Variants in UNC5C observed in about 807,000 individuals in gnomAD.
UNC5C encodes unc-5 netrin receptor C, also known as netrin receptor UNC5C.
UNC5C carries 47 observed loss-of-function variants against 99.8 expected under a neutral mutation model. The ratio of observed to expected loss-of-function variants is 0.47; its 90% CI spans 0.37 to 0.60. The LOEUF is 0.60. UNC5C is among the 20% of genes least tolerant of loss of function. The pLI is 0.00. For synonymous variants in UNC5C, 487 were observed against 452.2 expected, an observed-to-expected ratio of 1.08 and a Z score of -0.98; for missense variants, 1,062 against 1,165.9, an observed-to-expected ratio of 0.91 and a Z score of 1.30.
At chr4:95,489,928 A>G (rs1721434004) in intron 1 of UNC5C, among the ~76,000 whole-genome samples, 1 of 151,744 alleles carries the variant, frequency 6.6e-6, no homozygotes, top group African/African-American at 2.4e-5. Context: ...TTTAGGAGTC[A>G]TTAGCATATA....
At chr4:95,524,164 A>G (rs911666371) in intron 1 of UNC5C, among the ~76,000 whole-genome samples, 1 of 152,190 alleles carries the variant, frequency 6.6e-6, no homozygotes, top group African/African-American at 2.4e-5. Flanking sequence ...TGGATGAAGC[A>G]TCAGGAAGGC....
At chr4:95,525,829 C>T (rs919599589) in intron 1 of UNC5C, among the ~76,000 whole-genome samples, 1 of 152,076 alleles carries the variant, frequency 6.6e-6, no homozygotes, top group Non-Finnish European at 1.5e-5. Context: ...GGTAAGGGGG[C>T]TATATCAACT....
intron 1 of UNC5C, among the ~76,000 whole-genome samples, chr4:95,539,956 A>C (rs1289551386): frequency 6.6e-6 from 1 of 152,012 alleles, no homozygotes; most frequent in African/African-American, 2.4e-5. Context: ...AATAGTAAAT[A>C]AACTATAATA....
chr4:95,461,717 T>C (rs2149471225), intron 1 of UNC5C, among the ~76,000 whole-genome samples: 1 of 152,274 alleles, frequency 6.6e-6, no homozygotes, highest in Admixed American at 6.5e-5. Context: ...CAGCATGCTG[T>C]TGCACTGCTC....
intron 1 of UNC5C, among the ~76,000 whole-genome samples, chr4:95,479,546 C>T (rs1476878641): frequency 1.3e-5 from 2 of 151,874 alleles, no homozygotes; most frequent in African/African-American, 4.8e-5. Context: ...ATATCTGAAA[C>T]ATACAAAGGT....
chr4:95,214,174 T>G (rs1416508604), intron 10 of UNC5C, among the ~76,000 whole-genome samples: 1 of 152,202 alleles, frequency 6.6e-6, no homozygotes, highest in Non-Finnish European at 1.5e-5. Flanking sequence ...TGTTTTACAA[T>G]AAAAATGCAT....
At chr4:95,359,786 G>A (rs1036318459) in intron 1 of UNC5C, among the ~76,000 whole-genome samples, 2 of 152,046 alleles carry the variant, frequency 1.3e-5, no homozygotes, top group Non-Finnish European at 2.9e-5. Context: ...TTCTCTAACA[G>A]TATTATGGTT....
chr4:95,182,060 TCTTCC>T (rs1736633078), intron 14 of UNC5C, among the ~76,000 whole-genome samples: 1 of 152,202 alleles, frequency 6.6e-6, no homozygotes, highest in African/African-American at 2.4e-5. Flanking sequence ...TGGCTTCTTC[TCTTCC>T]CTTTGTTCCT....
At chr4:95,367,805 C>T (rs1461967107) in intron 1 of UNC5C, among the ~76,000 whole-genome samples, 2 of 152,138 alleles carry the variant, frequency 1.3e-5, no homozygotes, top group Non-Finnish European at 2.9e-5. Flanking sequence ...AATTATATTA[C>T]CTACCATACT....
intron 2 of UNC5C, among the ~76,000 whole-genome samples, chr4:95,328,963 A>G (rs28621043): frequency 0.18 from 26,743 of 152,050 alleles, 2,537 homozygotes; most frequent in African/African-American, 0.22. Context: ...AAGCTGTTTG[A>G]GTGTGGCTTA....
At chr4:95,275,283 C>T (rs79345069) in intron 4 of UNC5C, among the ~76,000 whole-genome samples, 3,275 of 152,192 alleles carry the variant, frequency 0.022, 96 homozygotes, top group African/African-American at 0.07. Flanking sequence ...GGGCAAGGTA[C>T]TCAGTAAGAA....
intron 1 of UNC5C, among the ~76,000 whole-genome samples, chr4:95,353,525 A>G (rs1744062588): frequency 6.6e-6 from 1 of 152,022 alleles, no homozygotes; most frequent in Admixed American, 6.6e-5. Flanking sequence ...TTTGTTCCAA[A>G]GAAAAAACTG....
intron 9 of UNC5C, among the ~76,000 whole-genome samples, chr4:95,218,745 T>C (rs905324347): frequency 6.6e-6 from 1 of 152,174 alleles, no homozygotes; most frequent in African/African-American, 2.4e-5. Context: ...GTTGTGAGTA[T>C]AGAATTTCTA....
intron 1 of UNC5C, among the ~76,000 whole-genome samples, chr4:95,478,788 C>A (rs761644231): frequency 2.0e-5 from 3 of 151,880 alleles, no homozygotes; most frequent in Non-Finnish European, 4.4e-5. Context: ...AAATTTGATC[C>A]CCAGTGTTGG....
intron 1 of UNC5C, among the ~76,000 whole-genome samples, chr4:95,498,513 T>C (rs187934163): frequency 3.9e-5 from 6 of 152,042 alleles, no homozygotes; most frequent in Non-Finnish European, 1.5e-5. Context: ...ACCAAAGTAC[T>C]CTAAAAAGTA....
intron 7 of UNC5C, among the ~76,000 whole-genome samples, chr4:95,231,532 C>A (rs957189492): frequency 6.6e-6 from 1 of 152,128 alleles, no homozygotes. Flanking sequence ...TGATCCTATC[C>A]TTAGAAGAAT....
intron 1 of UNC5C, among the ~76,000 whole-genome samples, chr4:95,389,817 A>T (rs12508800): frequency 2.0e-5 from 3 of 152,054 alleles, no homozygotes; most frequent in Non-Finnish European, 4.4e-5. Flanking sequence ...TATCATTAAT[A>T]GTTTAAAAAT....
At chr4:95,373,091 C>A (rs1211565468) in intron 1 of UNC5C, among the ~76,000 whole-genome samples, 2 of 152,184 alleles carry the variant, frequency 1.3e-5, no homozygotes, top group African/African-American at 2.4e-5. Flanking sequence ...CCACCATCAT[C>A]TCACTATCTC....
At position 95,413,556 on chromosome 4, in the gene UNC5C, G is replaced by T. The variant is rs549121549; in HGVS notation, c.125-77925C>A. 2.0e-5 allele frequency among the ~76,000 whole-genome samples: 3 copies of T among 152,218 alleles called. No individual in the cohort carries two copies. In the South Asian group the frequency reaches 6.2e-4, roughly 31 times the overall value. On this transcript the variant is annotated intron_variant, in intron 1 of 15. Coordinates refer to ENST00000453304, the MANE Select transcript of UNC5C (RefSeq NM_003728.4). ...CTTTGCACTTTATTGAATATAATAC[G>T]ATTCAGAATAATCAACTGAATTCAT... is the stretch of plus-strand genomic sequence containing the variant.
Sources: allele counts gnomAD v4.1 joint callset (sites outside exome capture counted in the v4.1 genomes callset), GRCh38; gene constraint gnomAD v4.1.1; transcripts MANE v1.5; gene names NCBI Gene and HGNC (gene_info 2026-07-23, HGNC 2026-07-21).